Variants in SLA2 observed in about 807,000 individuals in gnomAD.
SLA2 encodes the protein Src like adaptor 2.
In SLA2, 22 loss-of-function variants were observed where a neutral mutation model predicts 27.3. The observed-to-expected ratio is 0.81, with a 90% confidence interval of 0.58 to 1.15. The LOEUF (loss-of-function observed/expected upper bound fraction) is 1.15. SLA2 is among the 50% of genes most tolerant of loss of function. SLA2 has a pLI of 0.00. For missense variants in SLA2, 304 were observed against 322.2 expected (o/e 0.94, Z 0.43); for synonymous variants, 131 against 137.8 (o/e 0.95, Z 0.34).
At chr20:36,619,731 C>T (rs1360216446) in intron 5 of SLA2, among the ~76,000 whole-genome samples, 4 of 150,346 alleles carry the variant, frequency 2.7e-5, no homozygotes, top group African/African-American at 4.9e-5. Context: ...CCTGGGTTCA[C>T]GCCATTCTCC....
intron 2 of SLA2, among the ~76,000 whole-genome samples, chr20:36,638,422 A>G (rs1167866789): frequency 6.6e-6 from 1 of 151,656 alleles, no homozygotes; most frequent in Non-Finnish European, 1.5e-5. Context: ...TCCACCTCCC[A>G]GGTTCAAGCA....
chr20:36,617,533 C>CAAAAAAA (rs1159077334), intron 5 of SLA2, among the ~76,000 whole-genome samples: 1 of 56,806 alleles, frequency 1.8e-5, no homozygotes. Context: ...GACCCTGTCT[C>CAAAAAAA]AAAAAAAAAA....
chr20:36,625,644 C>A (rs900008943), intron 5 of SLA2, among the ~76,000 whole-genome samples: 3 of 151,914 alleles, frequency 2.0e-5, no homozygotes, highest in Non-Finnish European at 2.9e-5. Context: ...CCAGCCTGGG[C>A]AATAGAGTGA....
chr20:36,613,941 G>A lies in SLA2; in HGVS notation c.711C>T (p.Leu237=), dbSNP rs747050503. Residue 237 remains leucine (L), a synonymous_variant, in exon 8 of 8, where the codon CTC becomes CTT. Coordinates refer to ENST00000262866, the MANE Select transcript of SLA2 (RefSeq NM_032214.4). ...TGAGGGACTCCCGGAGACCCTCACT[G>A]AGAAGAGACTCCTCCCCTGTGGCAG... ...SEAATGEESL[L]SEGLRESLSF... The A allele has an allele frequency of 1.9e-6, 3 of 1,613,962 alleles. No homozygotes were observed. Among genetic ancestry groups the A allele is most frequent in the Non-Finnish European group, 2.5e-6 (3 of 1,179,962 alleles).
Position 36,632,588 on chromosome 20 carries a change from T to A in SLA2, c.382+7A>T. The A allele has an allele frequency of 6.2e-7, 1 of 1,612,078 alleles. No individual in the cohort carries two copies. On this transcript the variant is annotated splice_region_variant and intron_variant, in intron 5 of 7. Transcript: ENST00000262866. The stretch of plus-strand genomic sequence containing the variant: ...GGAGGGCCTGGGCTGGCACCGAGCT[T>A]ACTCACCTCTCCTGGTCTGGCTCTC...
chr20:36,626,842 CAAAAAAA>C (rs539777775), intron 5 of SLA2, among the ~76,000 whole-genome samples: 1 of 77,502 alleles, frequency 1.3e-5, no homozygotes, highest in Non-Finnish European at 2.8e-5. Flanking sequence ...GACTCCATCT[CAAAAAAA>C]AAAAAAAAAA....
chr20:36,633,560 C>G lies in SLA2; in HGVS notation c.261G>C (p.Val87=), dbSNP rs905292655. The G allele has an allele frequency of 4.3e-6, 7 of 1,613,986 alleles. No individual in the cohort carries two copies. In the African/African-American group the frequency reaches 9.3e-5, roughly 22 times the overall value. Residue 87 remains valine, a synonymous_variant, in exon 4 of 8, where the codon GTG becomes GTC. Coordinates refer to ENST00000262866, the MANE Select transcript of SLA2 (RefSeq NM_032214.4). Reference sequence around the variant, plus strand: ...GAACTCACCCATGGGAGACTTTGGCCACGTGGACGCTGGGGATGTTATACT... The same window carrying G: ...GAACTCACCCATGGGAGACTTTGGCGACGTGGACGCTGGGGATGTTATACT... ...GREYNIPSVH[V]AKVSHGWLYE...
intron 5 of SLA2, among the ~76,000 whole-genome samples, chr20:36,628,549 T>C (rs1030159254): frequency 6.6e-6 from 1 of 151,950 alleles, no homozygotes; most frequent in Non-Finnish European, 1.5e-5. Flanking sequence ...ATTTATTGAA[T>C]TTATTTATTT....
chr20:36,618,855 C>T lies in SLA2; in HGVS notation c.383-3481G>A, dbSNP rs544279487. 2.8e-5 allele frequency among the ~76,000 whole-genome samples: 4 copies of T among 141,060 alleles called. No homozygotes were observed. The South Asian group carries it at 9.0e-4, about 32-fold the overall frequency. 92.5% of individuals were successfully genotyped at this position (141,060 alleles called of 152,430 possible). A position where few individuals can be genotyped will look rare whatever the true frequency, so the allele number is the denominator to read the frequency against. On this transcript the variant is annotated intron_variant, in intron 5 of 7. Coordinates refer to ENST00000262866, the MANE Select transcript of SLA2 (RefSeq NM_032214.4). Reference sequence around the variant, plus strand: ...CCAGGCAGCGGAGATTGCAGTGAGCCGAGATTGTACCATTTCACTACAGCC... The same window carrying T: ...CCAGGCAGCGGAGATTGCAGTGAGCTGAGATTGTACCATTTCACTACAGCC...
chr20:36,639,315 C>T (rs1600833171), intron 2 of SLA2, among the ~76,000 whole-genome samples: 1 of 152,096 alleles, frequency 6.6e-6, no homozygotes, highest in East Asian at 1.9e-4. Flanking sequence ...ATCAGCTTTT[C>T]CCTGGGTCTC....
intron 5 of SLA2, among the ~76,000 whole-genome samples, chr20:36,627,125 TAGAA>T (rs1392617341): frequency 6.6e-6 from 1 of 151,942 alleles, no homozygotes; most frequent in African/African-American, 2.4e-5. Flanking sequence ...GATGCAGCGG[TAGAA>T]AGAACAAGGT....
Position 36,613,859 on chromosome 20 carries a change from T to C in SLA2, c.*7A>G. 6.5e-7 allele frequency: 1 copy of C among 1,547,648 alleles called. No individual in the cohort carries two copies. Among genetic ancestry groups the C allele is most frequent in the South Asian group, 1.1e-5 (1 of 90,174 alleles). ...CCTTGGTTTCCCTTTTGGCCTCTCC[T>C]TTGGGCCTAGGCATCATCCAAAGAG... is the stretch of plus-strand genomic sequence containing the variant. On this transcript the variant is annotated 3_prime_UTR_variant, in exon 8 of 8. Coordinates refer to ENST00000262866, the MANE Select transcript of SLA2 (RefSeq NM_032214.4).
chr20:36,624,617 C>T (rs959311038), intron 5 of SLA2, among the ~76,000 whole-genome samples: 5 of 152,200 alleles, frequency 3.3e-5, no homozygotes, highest in East Asian at 1.9e-4. Context: ...GATAAACACT[C>T]GGACGGAGCC....
At chr20:36,620,831 G>A (rs2039274764) in intron 5 of SLA2, 1 of 191,652 alleles carries the variant, frequency 5.2e-6, no homozygotes, top group Admixed American at 5.8e-5. Flanking sequence ...GCCTCCCAAA[G>A]TGCTGGGATT....
chr20:36,612,575 A>G lies in SLA2; in HGVS notation c.*1291T>C, dbSNP rs1198676425. Reference sequence around the variant, plus strand: ...ATTGAGAACCTGTTGATGATACCTGATAAAGCCTTTCCCACCCCACCTGTA... The same window carrying G: ...ATTGAGAACCTGTTGATGATACCTGGTAAAGCCTTTCCCACCCCACCTGTA... On this transcript the variant is annotated 3_prime_UTR_variant, in exon 8 of 8. Coordinates refer to ENST00000262866, the MANE Select transcript of SLA2 (RefSeq NM_032214.4). 6.7e-6 allele frequency: 2 copies of G among 298,980 alleles called. No homozygotes were observed. Among genetic ancestry groups the G allele is most frequent in the Non-Finnish European group, 1.3e-5 (2 of 152,768 alleles). The allele number at this position is 298,980 out of a possible 1,614,324, so 18.5% of individuals were successfully genotyped here.
chr20:36,623,167 G>A (rs921550064), intron 5 of SLA2, among the ~76,000 whole-genome samples: 10 of 151,262 alleles, frequency 6.6e-5, no homozygotes, highest in African/African-American at 2.4e-4. Flanking sequence ...TACTCCAGAG[G>A]CTGAGGCAAG....
At chr20:36,614,077 C>T in intron 7 of SLA2, 91 bp from the exon 8 acceptor site, 1 of 1,558,930 alleles carries the variant, frequency 6.4e-7, no homozygotes. Flanking sequence ...CAAAACCCTT[C>T]ACTCCTGCTG....
rs1356655913 is a variant in SLA2, at chr20:36,614,357, G to T, written c.613C>A (p.Pro205Thr). The change falls in exon 7 of 8, where the codon CCC (proline) becomes ACC (threonine). Residue 205 changes from proline (P) to threonine (T), a missense_variant. Coordinates refer to ENST00000262866, the MANE Select transcript of SLA2 (RefSeq NM_032214.4). The stretch of plus-strand genomic sequence containing the variant: ...GTCCTCTGCACAGTCACAGGTAGGG[G>T]TATATCCTTGCCAGGGAGCGGGCCA... ...RAGPLPGKDI[P>T]LPVTVQRTPL... is the part of the protein sequence containing the mutation. 1.2e-6 allele frequency: 2 copies of T among 1,614,182 alleles called. No homozygotes were observed. The highest frequency in any genetic ancestry group is 1.7e-6 in the Non-Finnish European group (2 of 1,180,034).
chr20:36,612,507 CATT>C lies in SLA2; in HGVS notation c.*1356_*1358del. On this transcript the variant is annotated 3_prime_UTR_variant, in exon 8 of 8. Transcript: ENST00000262866. The stretch of plus-strand genomic sequence containing the variant: ...ACATGCAGCATCTAATAAGAGTTTC[CATT>C]GTAGAATGTTTTCACATACTTGAAT... 3 of 451,410 alleles carry C rather than the reference CATT, an allele frequency of 6.6e-6. No individual in the cohort carries two copies. Among genetic ancestry groups the C allele is most frequent in the Non-Finnish European group, 1.2e-5 (3 of 246,048 alleles). 28.0% of individuals were successfully genotyped at this position (451,410 alleles called of 1,614,324 possible).
Sources: allele counts gnomAD v4.1 joint callset (sites outside exome capture counted in the v4.1 genomes callset), GRCh38; gene constraint gnomAD v4.1.1; transcripts MANE v1.5; gene names NCBI Gene and HGNC (gene_info 2026-07-23, HGNC 2026-07-21).